Variants in EDNRB observed in about 807,000 individuals in gnomAD.
The protein encoded by EDNRB is endothelin receptor type B, also known as Hirschsprung disease 2.
In EDNRB, 18 loss-of-function variants were observed where a neutral mutation model predicts 46.4. The observed-to-expected ratio is 0.39, with a 90% confidence interval of 0.27 to 0.57. The LOEUF (loss-of-function observed/expected upper bound fraction) is 0.57. EDNRB is among the 20% of genes least tolerant of loss of function. The pLI, the probability that EDNRB is intolerant of heterozygous loss-of-function variation, is 0.61. For missense variants in EDNRB, 434 were observed against 537.5 expected (o/e 0.81, Z 1.90); for synonymous variants, 213 against 204.9 (o/e 1.04, Z -0.34).
At chr13:77,901,305 T>C in intron 3 of EDNRB, 98 bp from the exon 4 acceptor site, 2 of 1,283,878 alleles carry the variant, frequency 1.6e-6, no homozygotes, top group East Asian at 2.5e-5. Flanking sequence ...GGAATGATTA[T>C]CTTCTAAATT....
chr13:77,941,205 A>G (rs1213717385), intron 1 of EDNRB, among the ~76,000 whole-genome samples: 3 of 152,232 alleles, frequency 2.0e-5, no homozygotes, highest in South Asian at 4.1e-4. Flanking sequence ...AGAATCAAAT[A>G]AAAAAGAGAA....
At chr13:77,968,355 C>A (rs1464469899) in intron 1 of EDNRB, among the ~76,000 whole-genome samples, 1 of 152,088 alleles carries the variant, frequency 6.6e-6, no homozygotes, top group Non-Finnish European at 1.5e-5. Flanking sequence ...ATGTTTACTT[C>A]ATAAAGTAAG....
intron 1 of EDNRB, among the ~76,000 whole-genome samples, chr13:77,974,243 G>C (rs1162375773): frequency 6.6e-6 from 1 of 151,328 alleles, no homozygotes; most frequent in African/African-American, 2.4e-5. Context: ...TTGCTTTTTT[G>C]ATTTAGGATA....
chr13:77,900,625 G>A lies in EDNRB; in HGVS notation c.981C>T (p.Cys327=). The A allele has an allele frequency of 6.2e-7, 1 of 1,612,420 alleles. No individual in the cohort carries two copies. The highest frequency in any genetic ancestry group is 8.5e-7 in the Non-Finnish European group (1 of 1,179,056). ...QRREVAKTVF[C]LVLVFALCWL... is the part of the protein sequence containing the mutation. ...AGCAGAGGGCAAAGACAAGGACCAG[G>A]CAAAAGACGGTTTTGGCCACTTCCC... The change falls in exon 5 of 7, where the codon TGC becomes TGT. Residue 327 remains cysteine (C), a synonymous_variant. Coordinates refer to ENST00000646607, the MANE Select transcript of EDNRB (RefSeq NM_001122659.3).
At chr13:77,936,219 G>T (rs915839684) in intron 1 of EDNRB, among the ~76,000 whole-genome samples, 3 of 152,114 alleles carry the variant, frequency 2.0e-5, no homozygotes, top group Non-Finnish European at 4.4e-5. Flanking sequence ...GCTTTGAACT[G>T]GGGGAAAAGG....
At chr13:77,916,913 GC>G (rs1879833141) in intron 1 of EDNRB, among the ~76,000 whole-genome samples, 1 of 108,152 alleles carries the variant, frequency 9.2e-6, no homozygotes, top group African/African-American at 2.9e-5. Flanking sequence ...TATTTAGACT[GC>G]TTTTTTTTTT....
At chr13:77,919,498 C>G, upstream of EDNRB, 1 of 1,612,810 alleles carries the variant, frequency 6.2e-7, no homozygotes, top group Non-Finnish European at 8.5e-7. Context: ...GAGGAGCACG[C>G]CTCCCTTGAG....
chr13:77,934,825 C>T (rs1055349978), intron 1 of EDNRB, among the ~76,000 whole-genome samples: 1 of 152,050 alleles, frequency 6.6e-6, no homozygotes, highest in African/African-American at 2.4e-5. Flanking sequence ...TATAGCATAG[C>T]CTGGCTTTGC....
chr13:77,900,715 C>T, intron 4 of EDNRB, 61 bp from the exon 5 acceptor site: 1 of 1,605,854 alleles, frequency 6.2e-7, no homozygotes, highest in African/African-American at 1.3e-5. Flanking sequence ...AGCATTCTAT[C>T]TTCTAAAACG....
intron 6 of EDNRB, 71 bp from the exon 7 acceptor site, chr13:77,898,405 G>A (rs1359702680): frequency 6.3e-7 from 1 of 1,599,226 alleles, no homozygotes; most frequent in Admixed American, 1.7e-5. Context: ...CCTCTCCAGG[G>A]TTCTGACTTT....
chr13:77,961,303 T>A (rs1881404531), intron 1 of EDNRB, among the ~76,000 whole-genome samples: 1 of 152,012 alleles, frequency 6.6e-6, no homozygotes, highest in African/African-American at 2.4e-5. Context: ...GCAGACCTAA[T>A]AGACATCTAC....
intron 1 of EDNRB, among the ~76,000 whole-genome samples, chr13:77,929,956 G>T (rs531307452): frequency 1.3e-5 from 2 of 152,248 alleles, no homozygotes; most frequent in South Asian, 4.1e-4. Flanking sequence ...TATATGTTCT[G>T]GTTTCTGGAA....
chr13:77,970,873 C>A (rs1192007066), intron 1 of EDNRB, among the ~76,000 whole-genome samples: 5 of 152,146 alleles, frequency 3.3e-5, no homozygotes, highest in Non-Finnish European at 7.3e-5. Flanking sequence ...CTGGGAACAG[C>A]CCTCAGTCTG....
intron 1 of EDNRB, among the ~76,000 whole-genome samples, chr13:77,957,382 C>A (rs1184515983): frequency 6.6e-6 from 1 of 152,074 alleles, no homozygotes; most frequent in Non-Finnish European, 1.5e-5. Context: ...TGCAAGCAGG[C>A]AAATCTTGGT....
At chr13:77,924,800 G>A (rs1166956574) in intron 1 of EDNRB, among the ~76,000 whole-genome samples, 8 of 152,104 alleles carry the variant, frequency 5.3e-5, no homozygotes, top group Non-Finnish European at 1.0e-4. Flanking sequence ...TGCTGTTCTC[G>A]TGATAGTGAA....
At chr13:77,923,301 A>AT (rs1364506324), upstream of EDNRB, among the ~76,000 whole-genome samples, 3 of 151,916 alleles carry the variant, frequency 2.0e-5, no homozygotes, top group Non-Finnish European at 4.4e-5. Flanking sequence ...TCTTTGACAT[A>AT]TTTTTTTTCA....
chr13:77,934,434 T>C (rs909375541), intron 1 of EDNRB, among the ~76,000 whole-genome samples: 1 of 152,136 alleles, frequency 6.6e-6, no homozygotes, highest in Admixed American at 6.6e-5. Flanking sequence ...CTGATTTGAC[T>C]AATAAAAGCC....
intron 1 of EDNRB, 149 bp downstream of exon 1, chr13:77,917,942 A>G: frequency 8.1e-7 from 1 of 1,227,194 alleles, no homozygotes; most frequent in Non-Finnish European, 1.2e-6. Flanking sequence ...ACCAAATGGA[A>G]TTTGGTTCCA....
At chr13:77,974,727 T>C (rs2137699760) in intron 1 of EDNRB, among the ~76,000 whole-genome samples, 1 of 152,204 alleles carries the variant, frequency 6.6e-6, no homozygotes, top group South Asian at 2.1e-4. Flanking sequence ...CGGGAACTGG[T>C]CTGGGTGCCC....
Sources: allele counts gnomAD v4.1 joint callset (sites outside exome capture counted in the v4.1 genomes callset), GRCh38; gene constraint gnomAD v4.1.1; transcripts MANE v1.5; gene names NCBI Gene and HGNC (gene_info 2026-07-23, HGNC 2026-07-21).